The following LDLRAD4 variants were observed in gnomAD, a reference collection of about 807,000 sequenced individuals.
The protein encoded by LDLRAD4 is low density lipoprotein receptor class A domain containing 4.
Under a neutral mutation model 17.0 loss-of-function variants are expected in LDLRAD4, and 5 were observed. The ratio of observed to expected loss-of-function variants is 0.29; its 90% confidence interval spans 0.15 to 0.62. The LOEUF (loss-of-function observed/expected upper bound fraction) is 0.62, where lower values mean the gene tolerates loss of function less well. Ranked by LOEUF, LDLRAD4 falls within the 20% of genes least tolerant of loss-of-function variation. The probability of loss-of-function intolerance (pLI) is 0.84; values close to 1 mark genes in which losing one functional copy is unlikely to be tolerated. For missense variants in LDLRAD4, 340 were observed against 424.7 expected (o/e 0.80, Z 1.75); for synonymous variants, 168 against 171.8 (o/e 0.98, Z 0.17).
intron 3 of LDLRAD4, among the ~76,000 whole-genome samples, chr18:13,450,066 AAGTGTTG>A (rs899416537): frequency 6.6e-6 from 1 of 152,126 alleles, no homozygotes; most frequent in Non-Finnish European, 1.5e-5. Flanking sequence ...TTGGAGATAG[AAGTGTTG>A]AGTATTGTTT....
At chr18:13,583,928 G>T (rs990766611) in intron 3 of LDLRAD4, among the ~76,000 whole-genome samples, 1 of 152,154 alleles carries the variant, frequency 6.6e-6, no homozygotes, top group African/African-American at 2.4e-5. Flanking sequence ...ACCTCGCCCT[G>T]CTCCCCCAGC....
chr18:13,311,634 C>T (rs1167439803), intron 1 of LDLRAD4, among the ~76,000 whole-genome samples: 4 of 152,112 alleles, frequency 2.6e-5, no homozygotes, highest in East Asian at 1.9e-4. Context: ...TGACAGCTGG[C>T]GATGCTGCTG....
At chr18:13,222,933 G>A (rs887916599) in intron 1 of LDLRAD4, among the ~76,000 whole-genome samples, 1 of 152,230 alleles carries the variant, frequency 6.6e-6, no homozygotes, top group Non-Finnish European at 1.5e-5. Context: ...TCTTTCTGCA[G>A]GTGCAGACAC....
chr18:13,290,811 C>T (rs2045922617), intron 1 of LDLRAD4, among the ~76,000 whole-genome samples: 1 of 152,192 alleles, frequency 6.6e-6, no homozygotes, highest in African/African-American at 2.4e-5. Flanking sequence ...TTCATTTATA[C>T]CAGACTTTGC....
Position 13,440,531 on chromosome 18 carries a change from T to G in LDLRAD4, c.181+2147T>G, listed in dbSNP as rs190466609. Among the ~76,000 whole-genome samples, 1 of 152,230 alleles carries G rather than the reference T, an allele frequency of 6.6e-6. No homozygotes were observed. Among genetic ancestry groups the G allele is most frequent in the Non-Finnish European group, 1.5e-5 (1 of 68,012 alleles). On this transcript the variant is annotated intron_variant, in intron 3 of 5. Coordinates refer to ENST00000359446, the Ensembl canonical transcript of LDLRAD4. This position sits in a 1 kb window ranked among gnomAD's most constrained non-coding sequence, Gnocchi z 4.4. ...AGCTAAAATGGGATATTATTTACAA[T>G]ATACTCTCTTCTAAGAAGACTGGAG...
chr18:13,529,736 C>A (rs752931306), intron 3 of LDLRAD4, among the ~76,000 whole-genome samples: 11 of 152,202 alleles, frequency 7.2e-5, no homozygotes, highest in Non-Finnish European at 1.5e-4. Flanking sequence ...GTTGGCAGGA[C>A]ATTTAAATAA....
In LDLRAD4 at chr18:13,378,735, A is replaced by C. The variant is rs145687084; in HGVS notation, c.-382-8606A>C. Among the ~76,000 whole-genome samples, 15 of 152,016 alleles carry C rather than the reference A, an allele frequency of 9.9e-5. No homozygotes were observed. The East Asian group carries it at 2.7e-3, about 27-fold the overall frequency. On this transcript the variant is annotated intron_variant, in intron 1 of 5. Transcript: ENST00000359446. The stretch of plus-strand genomic sequence containing the variant: ...TTCATACCAAAAACCTCACCCACAC[A>C]CTTTCTCTAATTTTGTATCCTTTCT...
At chr18:13,445,905 A>G (rs1471784118) in intron 3 of LDLRAD4, among the ~76,000 whole-genome samples, 1 of 152,112 alleles carries the variant, frequency 6.6e-6, no homozygotes, top group African/African-American at 2.4e-5. Context: ...CTGTGGCTTT[A>G]GGCAAGTTGT....
chr18:13,432,995 G>A (rs1049160940), intron 2 of LDLRAD4, among the ~76,000 whole-genome samples: 1 of 152,228 alleles, frequency 6.6e-6, no homozygotes, highest in Non-Finnish European at 1.5e-5. Flanking sequence ...GGGATTACAG[G>A]TGTGAACCAC....
intron 3 of LDLRAD4, among the ~76,000 whole-genome samples, chr18:13,445,391 CATGT>C (rs2091321314): frequency 2.6e-5 from 4 of 151,680 alleles, no homozygotes; most frequent in African/African-American, 7.3e-5. Flanking sequence ...TGTGTGCATG[CATGT>C]GACTCCATGT....
chr18:13,640,015 G>A (rs576520497), intron 4 of LDLRAD4, among the ~76,000 whole-genome samples: 220 of 152,232 alleles, frequency 1.4e-3, no homozygotes, highest in Non-Finnish European at 2.3e-3. Context: ...GGCAAGGTGC[G>A]GTGGCTCACG....
At chr18:13,502,810 A>C (rs538696856) in intron 3 of LDLRAD4, among the ~76,000 whole-genome samples, 3 of 152,386 alleles carry the variant, frequency 2.0e-5, no homozygotes, top group Admixed American at 2.0e-4. Context: ...AGCCATCCTC[A>C]GAGCACAGCT....
At chr18:13,532,766 T>C (rs2094147378) in intron 3 of LDLRAD4, among the ~76,000 whole-genome samples, 1 of 152,198 alleles carries the variant, frequency 6.6e-6, no homozygotes, top group Non-Finnish European at 1.5e-5. Flanking sequence ...GCTTGTGAAA[T>C]AGTTTGCAGT....
intron 3 of LDLRAD4, 164 bp from the exon 5 acceptor site, chr18:13,620,953 C>T: frequency 1.0e-6 from 1 of 995,290 alleles, no homozygotes; most frequent in South Asian, 1.5e-5. Context: ...CGTGGTGTCT[C>T]CTTCCCTAAA....
intron 3 of LDLRAD4, chr18:13,612,945 C>G (rs1180577153): frequency 1.5e-4 from 97 of 660,720 alleles, no homozygotes; most frequent in Non-Finnish European, 3.1e-5. Flanking sequence ...GGTGGGACTC[C>G]CTTTAGGAAG....
intron 2 of LDLRAD4, among the ~76,000 whole-genome samples, chr18:13,414,528 C>T (rs562263679): frequency 3.8e-4 from 58 of 152,350 alleles, no homozygotes; most frequent in African/African-American, 1.3e-3. Flanking sequence ...ACTAATTACA[C>T]GATTAACTGG....
rs201667939 is a variant in LDLRAD4 at position 13,351,245 on chromosome 18, ATTCT to A, written c.-382-36091_-382-36088del. Among the ~76,000 whole-genome samples the A allele has an allele frequency of 9.8e-3, 1,494 of 152,218 alleles. 25 individuals are homozygous for A. The highest frequency in any genetic ancestry group is 0.035 in the African/African-American group (1,454 of 41,528). ...CAGTGTGGCCATTTTCATGATATTG[ATTCT>A]TTCTATCTATGAGGATGGAATGTTT... On this transcript the variant is annotated intron_variant, in intron 1 of 5. Transcript: ENST00000359446.
intron 3 of LDLRAD4, among the ~76,000 whole-genome samples, chr18:13,510,504 T>G (rs1376743063): frequency 6.7e-6 from 1 of 149,508 alleles, no homozygotes; most frequent in South Asian, 2.1e-4. Context: ...TTTGATATAA[T>G]GGACTTTGGA....
At chr18:13,514,392 T>A (rs1315809356) in intron 3 of LDLRAD4, 1 of 152,162 alleles carries the variant, frequency 6.6e-6, no homozygotes, top group African/African-American at 2.4e-5. Context: ...ACAACAGATA[T>A]CGATTCCATT....
Sources: gnomAD v4.1 joint callset for allele counts (sites outside exome capture counted in the v4.1 genomes callset) on GRCh38, gnomAD v4.1.1 for gene constraint, Gnocchi (gnomAD v3.1) non-coding constraint, MANE v1.5 for transcripts, NCBI Gene and HGNC (gene_info 2026-07-23, HGNC 2026-07-21) for gene names.